SERPINB12: variants seen among roughly 807,000 people sequenced by gnomAD.
The protein encoded by SERPINB12 is serpin family B member 12.
SERPINB12 carries 57 observed loss-of-function variants against 41.1 expected under a neutral mutation model. The observed-to-expected ratio is 1.39, with a 90% CI of 1.12 to 1.73. The LOEUF is 1.73. Among genes scored for constraint, SERPINB12 ranks in the 40% most tolerant of loss-of-function variants. The pLI is 0.00. For synonymous variants in SERPINB12, 180 were observed against 181.3 expected (o/e 0.99, Z 0.06); for missense variants, 536 against 501.9 (o/e 1.07, Z -0.65).
At chr18:63,537,323 T>C in the SERPINB12 span, among the ~76,000 whole-genome samples, 2 of 152,208 alleles carry the variant, frequency 1.3e-5, no homozygotes, top group African/African-American at 4.8e-5. Flanking sequence ...TCTTCTGACC[T>C]GTGTGTTTCT....
the SERPINB12 span, among the ~76,000 whole-genome samples, chr18:63,532,793 T>C: frequency 1.3e-5 from 2 of 152,208 alleles, no homozygotes; most frequent in East Asian, 3.9e-4. Flanking sequence ...TTGATGAATC[T>C]AGTTGAAAAG....
chr18:63,561,630 GAATTAACCTAA>G (rs1332873556), intron 5 of SERPINB12, among the ~76,000 whole-genome samples: 1 of 152,102 alleles, frequency 6.6e-6, no homozygotes, highest in Non-Finnish European at 1.5e-5. Flanking sequence ...CAAAGACATG[GAATTAACCTAA>G]GTGTCCATCA....
chr18:63,523,518 A>C, the SERPINB12 span, among the ~76,000 whole-genome samples: 3 of 152,228 alleles, frequency 2.0e-5, no homozygotes, highest in Non-Finnish European at 4.4e-5. Context: ...TCTGTGCCCA[A>C]GTTATGAATG....
chr18:63,534,918 C>G, the SERPINB12 span, among the ~76,000 whole-genome samples: 1 of 152,116 alleles, frequency 6.6e-6, no homozygotes, highest in Admixed American at 6.5e-5. Flanking sequence ...AGACCACAGG[C>G]ACGTATGCAT....
In SERPINB12 at chr18:63,566,894, C is replaced by T; in HGVS notation, c.1161C>T (p.Val387=). Reference sequence around the variant, plus strand: ...CAGCTGCAGCCACTGGGGCTGTTGTCTCGGAAAGGTCACTACGATCTTGGG... The same window carrying T: ...CAGCTGCAGCCACTGGGGCTGTTGTTTCGGAAAGGTCACTACGATCTTGGG... ...TQAAAATGAV[V]SERSLRSWVE... Residue 387 remains valine (V), a synonymous_variant, in exon 8 of 8, where the codon GTC becomes GTT. Transcript: ENST00000382768. The T allele has an allele frequency of 6.2e-7, 1 of 1,614,156 alleles. No homozygotes were observed. The highest frequency in any genetic ancestry group is 8.5e-7 in the Non-Finnish European group (1 of 1,180,020).
chr18:63,563,952 G>A, intron 5 of SERPINB12, 26 bp from the exon 6 acceptor site: 1 of 1,587,558 alleles, frequency 6.3e-7, no homozygotes, highest in South Asian at 1.2e-5. Flanking sequence ...TTCATACTCA[G>A]GATATTCTCT....
At position 63,559,737 on chromosome 18, in the gene SERPINB12, G is replaced by A. The variant is rs758684534; in HGVS notation, c.444+19G>A. The A allele has an allele frequency of 7.4e-6, 12 of 1,613,464 alleles. No homozygotes were observed. The East Asian group carries it at 2.5e-4, about 33-fold the overall frequency. On this transcript the variant is annotated intron_variant, in intron 4 of 7. Coordinates refer to ENST00000382768, the MANE Select transcript of SERPINB12 (RefSeq NM_001307928.2). Reference sequence around the variant, plus strand: ...CTGTCAGGTGAGTTGCACACGAATGGTGACTAAAGCTACCATGTAGCATAC... The same window carrying A: ...CTGTCAGGTGAGTTGCACACGAATGATGACTAAAGCTACCATGTAGCATAC...
intron 1 of SERPINB12, among the ~76,000 whole-genome samples, 144 bp from the exon 2 acceptor site, chr18:63,555,998 T>G (rs1910659821): frequency 6.6e-6 from 1 of 152,208 alleles, no homozygotes; most frequent in East Asian, 1.9e-4. Context: ...TATACAGGGA[T>G]GATAATGACC....
intron 1 of SERPINB12, among the ~76,000 whole-genome samples, chr18:63,547,764 C>G (rs1331672957): frequency 6.6e-6 from 1 of 151,850 alleles, no homozygotes; most frequent in Non-Finnish European, 1.5e-5. Context: ...TGAACTTTTT[C>G]TTATATAGTA....
intron 5 of SERPINB12, 142 bp from the exon 6 acceptor site, chr18:63,563,836 C>T (rs973114111): frequency 1.3e-5 from 8 of 625,432 alleles, no homozygotes; most frequent in African/African-American, 3.9e-5. Context: ...GCAGAGGTTG[C>T]AGTGAGCAGG....
intron 1 of SERPINB12, among the ~76,000 whole-genome samples, chr18:63,549,356 G>A (rs527990090): frequency 3.3e-5 from 5 of 152,152 alleles, no homozygotes; most frequent in East Asian, 1.9e-4. Context: ...AAGTTAAATC[G>A]TGAATCCCTT....
rs1019795689 is a variant in SERPINB12, at chr18:63,568,890, G to C, written c.*1879G>C. Among the ~76,000 whole-genome samples, 2 of 152,168 alleles carry C rather than the reference G, an allele frequency of 1.3e-5. No homozygotes were observed. The highest frequency in any genetic ancestry group is 4.8e-5 in the African/African-American group (2 of 41,436). ...GCTCACTTACGACCTAAAACAATTT[G>C]ACGTTGGTAACGTGAGGCAGTTTGA... is the stretch of plus-strand genomic sequence containing the variant. On this transcript the variant is annotated 3_prime_UTR_variant, in exon 8 of 8. Coordinates refer to ENST00000382768, the MANE Select transcript of SERPINB12 (RefSeq NM_001307928.2).
intron 1 of SERPINB12, among the ~76,000 whole-genome samples, chr18:63,546,552 A>G (rs910821793): frequency 3.3e-5 from 5 of 152,232 alleles, no homozygotes; most frequent in African/African-American, 1.2e-4. Flanking sequence ...AGATTTTAGA[A>G]TAATGCAAAA....
intron 1 of SERPINB12, among the ~76,000 whole-genome samples, chr18:63,545,770 A>AAGT (rs1910374143): frequency 6.6e-6 from 1 of 152,210 alleles, no homozygotes; most frequent in South Asian, 2.1e-4. Flanking sequence ...GGGCAACATG[A>AAGT]AGTAGTAATC....
the SERPINB12 span, among the ~76,000 whole-genome samples, chr18:63,520,812 C>T: frequency 6.6e-6 from 1 of 152,088 alleles, no homozygotes; most frequent in East Asian, 1.9e-4. Flanking sequence ...TGAGGCCATT[C>T]TACAAGACAA....
At chr18:63,551,810 A>G (rs992194875) in intron 1 of SERPINB12, among the ~76,000 whole-genome samples, 21 of 152,160 alleles carry the variant, frequency 1.4e-4, no homozygotes, top group African/African-American at 4.8e-4. Flanking sequence ...CCTATTTTGA[A>G]TCCAATTGAT....
In SERPINB12 at chr18:63,561,148, A is replaced by G. The variant is rs372067940; in HGVS notation, c.508A>G (p.Asn170Asp). Residue 170 changes from asparagine (N) to aspartate (D), a missense_variant, in exon 5 of 8, where the codon AAC becomes GAC. Transcript: ENST00000382768. ...GATTGAAAGTGTTGATTTCCAAAAA[A>G]ACCCTGAAAAATCCAGACAAGAGAT... is the stretch of plus-strand genomic sequence containing the variant. ...TTIESVDFQK[N>D]PEKSRQEINF... The G allele has an allele frequency of 1.1e-5, 17 of 1,613,708 alleles. No homozygotes were observed. In the African/African-American group the frequency reaches 1.1e-4, roughly 10 times the overall value.
the SERPINB12 span, among the ~76,000 whole-genome samples, chr18:63,536,123 T>G: frequency 6.6e-6 from 1 of 151,838 alleles, no homozygotes; most frequent in Non-Finnish European, 1.5e-5. Flanking sequence ...CTTTTAAGTA[T>G]TCCCACAACA....
rs1204091985 is a variant in SERPINB12 at position 63,567,588 on chromosome 18, T to C, written c.*577T>C. ...CCTAGGACAAGGCAGGGCTTGGGCGTATTTAAGTGATAGCTCAAAGATGTG... is the reference window on the plus strand; with the variant it reads ...CCTAGGACAAGGCAGGGCTTGGGCGCATTTAAGTGATAGCTCAAAGATGTG... On this transcript the variant is annotated 3_prime_UTR_variant, in exon 8 of 8. Coordinates refer to ENST00000382768, the MANE Select transcript of SERPINB12 (RefSeq NM_001307928.2). Among the ~76,000 whole-genome samples the C allele has an allele frequency of 6.6e-6, 1 of 152,184 alleles. No homozygotes were observed. Among genetic ancestry groups the C allele is most frequent in the Non-Finnish European group, 1.5e-5 (1 of 68,032 alleles).
Sources: gnomAD v4.1 joint callset for allele counts (sites outside exome capture counted in the v4.1 genomes callset) on GRCh38, gnomAD v4.1.1 for gene constraint, MANE v1.5 for transcripts, NCBI Gene and HGNC (gene_info 2026-07-23, HGNC 2026-07-21) for gene names.